Variants in PCIF1 observed in about 807,000 individuals in gnomAD.
The protein encoded by PCIF1 is phosphorylated CTD interacting factor 1, also known as mRNA (2'-O-methyladenosine-N(6)-)-methyltransferase.
A neutral mutation model predicts 86.9 loss-of-function variants in PCIF1; 12 were observed. That is an observed-to-expected ratio of 0.14 (90% CI 0.09 to 0.22). PCIF1 has a LOEUF of 0.22. PCIF1 is among the 10% of genes least tolerant of loss of function. PCIF1 has a pLI of 1.00. For synonymous variants in PCIF1, 397 were observed against 372.0 expected (o/e 1.07, Z -0.77); for missense variants, 701 against 951.1 (o/e 0.74, Z 3.46).
chr20:45,939,105 C>G lies in PCIF1; in HGVS notation c.106C>G (p.Leu36Val). Residue 36 changes from leucine (L) to valine (V), a missense_variant, in exon 3 of 17, where the codon CTG (leucine) becomes GTG (valine). This residue lies in a region of PCIF1 where 60 missense variants were observed against 58.6 expected (regional missense o/e 1.02). Coordinates refer to ENST00000372409, the MANE Select transcript of PCIF1 (RefSeq NM_022104.4). ...SQPCSPKPIR[L>V]VQDLPEELVH... ...GCCCTGTTCTCCAAAGCCAATCCGC[C>G]TGGTTCAGGACCTCCCAGGTACTGA... 6.2e-7 allele frequency: 1 copy of G among 1,614,098 alleles called. No individual in the cohort carries two copies. The highest frequency in any genetic ancestry group is 8.5e-7 in the Non-Finnish European group (1 of 1,180,008).
chr20:45,935,343 C>G (rs1279226222), intron 1 of PCIF1, among the ~76,000 whole-genome samples: 2 of 152,174 alleles, frequency 1.3e-5, no homozygotes, highest in Non-Finnish European at 2.9e-5. Context: ...GCCTCCAATC[C>G]CGGACTCGGA....
Position 45,939,196 on chromosome 20 carries a change from G to T in PCIF1, c.125-19G>T. On this transcript the variant is annotated intron_variant, in intron 3 of 16. Coordinates refer to ENST00000372409, the MANE Select transcript of PCIF1 (RefSeq NM_022104.4). ...TGGGAGCAGTCCTGACCCTGGCTGGGCTCCGTGCCTGTTTGCAGAGGAGCT... is the reference window on the plus strand; with the variant it reads ...TGGGAGCAGTCCTGACCCTGGCTGGTCTCCGTGCCTGTTTGCAGAGGAGCT... 6.2e-7 allele frequency: 1 copy of T among 1,613,998 alleles called. No individual in the cohort carries two copies. The highest frequency in any genetic ancestry group is 8.5e-7 in the Non-Finnish European group (1 of 1,180,014).
At chr20:45,940,665 GCCTGCAGGCTC>G (rs1406795072) in intron 5 of PCIF1, 53 bp downstream of exon 5, 1 of 1,575,206 alleles carries the variant, frequency 6.3e-7, no homozygotes, top group African/African-American at 1.4e-5. Context: ...CAGACGGGCC[GCCTGCAGGCTC>G]CCTGCAGGGG....
At position 45,943,447 on chromosome 20, in the gene PCIF1, C is replaced by G. The variant is rs762458890; in HGVS notation, c.905+24C>G. On this transcript the variant is annotated intron_variant, in intron 9 of 16. Coordinates refer to ENST00000372409, the MANE Select transcript of PCIF1 (RefSeq NM_022104.4). The surrounding 1 kb of genome is among the most constrained non-coding windows in gnomAD (Gnocchi z 5.5). ...AGGTTTGCCTGTCTTCTGCCCCAGG[C>G]GAGATGGGTCTGTGATTAAAGTGGC... is the stretch of plus-strand genomic sequence containing the variant. The G allele has an allele frequency of 6.2e-7, 1 of 1,602,282 alleles. No individual in the cohort carries two copies. Among genetic ancestry groups the G allele is most frequent in the East Asian group, 2.2e-5 (1 of 44,730 alleles).
intron 2 of PCIF1, among the ~76,000 whole-genome samples, 168 bp from the exon 3 acceptor site, chr20:45,938,813 G>A (rs2083446321): frequency 6.6e-6 from 1 of 152,140 alleles, no homozygotes; most frequent in African/African-American, 2.4e-5. Flanking sequence ...TTGAACAGCT[G>A]GAATTGCAGC....
In PCIF1 at chr20:45,945,895, GGGGA is replaced by G. The variant is rs765037685; in HGVS notation, c.1341+15_1341+18del. 1.1e-5 allele frequency: 18 copies of G among 1,613,424 alleles called. No homozygotes were observed. The highest frequency in any genetic ancestry group is 1.5e-5 in the Non-Finnish European group (18 of 1,179,802). On this transcript the variant is annotated intron_variant, in intron 12 of 16. Transcript: ENST00000372409. ...ACTTCAGCAAGCTGGTAAGAGCTGCGGGGAGGAAGGCCCTAGCTGATGGCATGAG... is the reference window on the plus strand; with the variant it reads ...ACTTCAGCAAGCTGGTAAGAGCTGCGGGAAGGCCCTAGCTGATGGCATGAG...
intron 10 of PCIF1, 117 bp from the exon 11 acceptor site, chr20:45,944,751 A>AGCAGAGC: frequency 9.1e-7 from 1 of 1,101,138 alleles, no homozygotes; most frequent in Non-Finnish European, 1.3e-6. Flanking sequence ...GCTAGTCAGC[A>AGCAGAGC]GCAGAGCTGG....
At chr20:45,945,996 C>CTGA (rs1483382090) in intron 12 of PCIF1, 33 bp from the exon 13 acceptor site, 1 of 1,613,054 alleles carries the variant, frequency 6.2e-7, no homozygotes, top group Non-Finnish European at 8.5e-7. Context: ...GGGAGCACTG[C>CTGA]TGAAGGCTCC....
At position 45,946,043 on chromosome 20, in the gene PCIF1, C is replaced by G; in HGVS notation, c.1356C>G (p.Arg452=). 6.2e-7 allele frequency: 1 copy of G among 1,614,194 alleles called. No homozygotes were observed. Among genetic ancestry groups the G allele is most frequent in the Non-Finnish European group, 8.5e-7 (1 of 1,180,034 alleles). The part of the protein sequence containing the change: ...NYFSKLWLLY[R]YSCIDDSAFE... ...CCGCTCCACAGTGGCTCCTTTACCG[C>G]TACAGCTGCATTGATGACTCTGCCT... Residue 452 remains arginine (R), a synonymous_variant, in exon 13 of 17, where the codon CGC becomes CGG. Transcript: ENST00000372409.
In PCIF1 at chr20:45,938,842, G is replaced by C. The variant is rs560805652; in HGVS notation, c.-19-139G>C. On this transcript the variant is annotated intron_variant, in intron 2 of 16. Transcript: ENST00000372409. ...TTGCAGCTTAGATCCCAGGGCTGCT[G>C]TGTGGCACCATGCTGGCCCTCCAGG... 464 of 1,109,278 alleles carry C rather than the reference G, an allele frequency of 4.2e-4. 10 individuals are homozygous for C. The South Asian group carries it at 6.5e-3, about 15-fold the overall frequency. 68.7% of individuals were successfully genotyped at this position (1,109,278 alleles called of 1,614,324 possible).
rs1697947774 is a variant in PCIF1 at position 45,943,562 on chromosome 20, G to A, written c.906-104G>A. The A allele has an allele frequency of 7.4e-7, 1 of 1,355,060 alleles. No individual in the cohort carries two copies. Among genetic ancestry groups the A allele is most frequent in the Non-Finnish European group, 1.0e-6 (1 of 975,106 alleles). 83.9% of individuals were successfully genotyped at this position (1,355,060 alleles called of 1,614,324 possible). A position where few individuals can be genotyped will look rare whatever the true frequency, so the allele number is the denominator to read the frequency against. Reference sequence around the variant, plus strand: ...GCCAGCTCCCAAAGGCAGAACAAGGGCTGTGATGGAAGCTAGGGGTTGATA... The same window carrying A: ...GCCAGCTCCCAAAGGCAGAACAAGGACTGTGATGGAAGCTAGGGGTTGATA... On this transcript the variant is annotated intron_variant, in intron 9 of 16. Transcript: ENST00000372409. This position sits in a 1 kb window ranked among gnomAD's most constrained non-coding sequence, Gnocchi z 5.5.
At chr20:45,935,168 T>G (rs1288154353) in intron 1 of PCIF1, among the ~76,000 whole-genome samples, 3 of 143,404 alleles carry the variant, frequency 2.1e-5, no homozygotes, top group African/African-American at 2.5e-5. Context: ...CAGCCCACCC[T>G]CGCTGGGGTA....
At chr20:45,936,871 T>G (rs1347532961) in intron 1 of PCIF1, among the ~76,000 whole-genome samples, 12 of 152,158 alleles carry the variant, frequency 7.9e-5, no homozygotes. Flanking sequence ...GAGGTTGCAG[T>G]GAGTCGAGAT....
intron 1 of PCIF1, 52 bp from the exon 2 acceptor site, chr20:45,937,366 C>T: frequency 2.5e-6 from 1 of 399,240 alleles, no homozygotes; most frequent in Non-Finnish European, 4.4e-6. Flanking sequence ...CCTCTTGTCC[C>T]TGCCCTGCAG....
chr20:45,940,711 A>AGGG (rs1259580147), intron 5 of PCIF1, 98 bp from the exon 6 acceptor site: 1 of 1,567,648 alleles, frequency 6.4e-7, no homozygotes, highest in Non-Finnish European at 8.6e-7. Context: ...GCCAGCCAGG[A>AGGG]GGGGGGCCTG....
At chr20:45,945,587 A>G (rs560857714) in intron 11 of PCIF1, 124 bp from the exon 12 acceptor site, 1 of 1,194,366 alleles carries the variant, frequency 8.4e-7, no homozygotes, top group Non-Finnish European at 1.1e-6. Flanking sequence ...TTTCTACTGA[A>G]CTGGGCCAGA....
chr20:45,943,533 T>A lies in PCIF1; in HGVS notation c.905+110T>A. The A allele has an allele frequency of 3.0e-6, 4 of 1,342,778 alleles. No homozygotes were observed. The highest frequency in any genetic ancestry group is 4.1e-6 in the Non-Finnish European group (4 of 966,102). The allele number at this position is 1,342,778 out of a possible 1,614,324, so 83.2% of individuals were successfully genotyped here. On this transcript the variant is annotated intron_variant, in intron 9 of 16. Coordinates refer to ENST00000372409, the MANE Select transcript of PCIF1 (RefSeq NM_022104.4). The surrounding 1 kb of genome is among the most constrained non-coding windows in gnomAD (Gnocchi z 5.5). ...CTGTCATTGCTCTCGGTGGCAGAAG[T>A]GGGGCCAGCTCCCAAAGGCAGAACA...
At chr20:45,935,596 A>AG (rs1195821146) in intron 1 of PCIF1, among the ~76,000 whole-genome samples, 1 of 152,184 alleles carries the variant, frequency 6.6e-6, no homozygotes, top group East Asian at 1.9e-4. Flanking sequence ...TGTCCAACCC[A>AG]GGGGCTGGTA....
In PCIF1 at chr20:45,939,258, G is replaced by A. The variant is rs1600502058; in HGVS notation, c.168G>A (p.Arg56=). The A allele has an allele frequency of 6.2e-7, 1 of 1,613,792 alleles. No homozygotes were observed. Among genetic ancestry groups the A allele is most frequent in the Non-Finnish European group, 8.5e-7 (1 of 1,180,010 alleles). ...GCTGGGAGAAGTGCTGGAGCCGGAG[G>A]GAGAATCGTCCCTACTACTTCAACC... ...HAGWEKCWSR[R]ENRPYYFNRF... Residue 56 remains arginine, a synonymous_variant, in exon 4 of 17, where the codon AGG becomes AGA. Transcript: ENST00000372409.
Sources: allele counts gnomAD v4.1 joint callset (sites outside exome capture counted in the v4.1 genomes callset), GRCh38; gene constraint gnomAD v4.1.1; regional missense constraint gnomAD v4.1.1; non-coding constraint Gnocchi (gnomAD v3.1); transcripts MANE v1.5; gene names NCBI Gene and HGNC (gene_info 2026-07-23, HGNC 2026-07-21).